The following NIPAL1 variants were observed in gnomAD, a reference collection of about 807,000 sequenced individuals.
NIPAL1 encodes the protein NIPA like domain containing 1, also known as magnesium transporter NIPA3.
In NIPAL1, 35 loss-of-function variants were observed where a neutral mutation model predicts 37.7. That is an observed-to-expected ratio of 0.93 (90% CI 0.71 to 1.23). NIPAL1 has a LOEUF of 1.23. NIPAL1 is among the 50% of genes most tolerant of loss of function. The pLI, the probability that NIPAL1 is intolerant of heterozygous loss-of-function variation, is 0.00. For synonymous variants in NIPAL1, 162 were observed against 183.0 expected (o/e 0.89, Z 0.93); for missense variants, 412 against 473.9 (o/e 0.87, Z 1.21).
chr4:48,021,010 A>T (rs1715556452), intron 1 of NIPAL1, among the ~76,000 whole-genome samples: 1 of 152,184 alleles, frequency 6.6e-6, no homozygotes, highest in South Asian at 2.1e-4. Flanking sequence ...AAAGCATTTC[A>T]TCCTTATATA....
chr4:48,034,432 C>A (rs1366970143), intron 4 of NIPAL1, among the ~76,000 whole-genome samples: 1 of 152,024 alleles, frequency 6.6e-6, no homozygotes, highest in African/African-American at 2.4e-5. Context: ...TACCCCTGGT[C>A]CGTTTGATTG....
At chr4:48,031,981 T>C (rs1715830909) in intron 3 of NIPAL1, among the ~76,000 whole-genome samples, 1 of 152,166 alleles carries the variant, frequency 6.6e-6, no homozygotes, top group Non-Finnish European at 1.5e-5. Context: ...TCAAGTGATC[T>C]TCTCCCCTCT....
At chr4:48,023,381 A>G (rs998894567) in intron 1 of NIPAL1, among the ~76,000 whole-genome samples, 19 of 152,322 alleles carry the variant, frequency 1.2e-4, no homozygotes, top group Admixed American at 9.1e-4. Flanking sequence ...AAGCTTTGCC[A>G]GGGGTACATA....
chr4:48,032,729 AT>A (rs1715848568), intron 3 of NIPAL1, among the ~76,000 whole-genome samples: 1 of 152,202 alleles, frequency 6.6e-6, no homozygotes, highest in South Asian at 2.1e-4. Flanking sequence ...GTAGCTAAAA[AT>A]TTCTATTGAA....
At chr4:48,021,823 A>G (rs1715575805) in intron 1 of NIPAL1, among the ~76,000 whole-genome samples, 1 of 152,046 alleles carries the variant, frequency 6.6e-6, no homozygotes, top group South Asian at 2.1e-4. Context: ...AGAGAAAATC[A>G]GGATAGTTAC....
Position 48,035,717 on chromosome 4 carries a change from G to C in NIPAL1, c.778G>C (p.Ala260Pro). ...SVSSVKGLGI[A>P]IKELIEWKPV... ...TTCTTCTGTGAAAGGCCTGGGAATT[G>C]CCATTAAGGAGCTGATAGAATGGAA... is the stretch of plus-strand genomic sequence containing the variant. Residue 260 changes from alanine to proline, a missense_variant, in exon 6 of 6, where the codon GCC (alanine) becomes CCC (proline). By Grantham distance (27) the Ala-to-Pro change is conservative. Transcript: ENST00000295461. 2 of 1,614,084 alleles carry C rather than the reference G, an allele frequency of 1.2e-6. No homozygotes were observed. The highest frequency in any genetic ancestry group is 1.7e-6 in the Non-Finnish European group (2 of 1,179,976).
chr4:48,034,281 T>C (rs966014576), intron 4 of NIPAL1, among the ~76,000 whole-genome samples: 1 of 152,236 alleles, frequency 6.6e-6, no homozygotes, highest in Non-Finnish European at 1.5e-5. Context: ...CAACATAAAT[T>C]TGTAAACTGT....
chr4:48,037,230 GA>G lies in NIPAL1; in HGVS notation c.*1063del, dbSNP rs755251440. ...GAAGAGAAAAATACTTCAGATAAAG[GA>G]AAAAGTTTTCTTCTCACAAAAACAC... On this transcript the variant is annotated 3_prime_UTR_variant, in exon 6 of 6. Coordinates refer to ENST00000295461, the MANE Select transcript of NIPAL1 (RefSeq NM_207330.3). 4 of 423,546 alleles carry G rather than the reference GA, an allele frequency of 9.4e-6. No individual in the cohort carries two copies. The highest frequency in any genetic ancestry group is 8.3e-5 in the African/African-American group (4 of 48,082). 26.2% of individuals were successfully genotyped at this position (423,546 alleles called of 1,614,324 possible).
At chr4:48,025,770 C>G (rs1327120284) in intron 2 of NIPAL1, among the ~76,000 whole-genome samples, 4 of 152,162 alleles carry the variant, frequency 2.6e-5, no homozygotes, top group Non-Finnish European at 5.9e-5. Flanking sequence ...ATCTTAGTCT[C>G]TATCTTCTTG....
intron 5 of NIPAL1, 68 bp downstream of exon 5, chr4:48,035,109 G>A (rs1715898227): frequency 7.9e-7 from 1 of 1,262,714 alleles, no homozygotes. Context: ...AATAGTATCT[G>A]TAATAATATT....
chr4:48,020,509 T>C (rs1215187902), intron 1 of NIPAL1, among the ~76,000 whole-genome samples: 3 of 152,228 alleles, frequency 2.0e-5, no homozygotes, highest in Admixed American at 6.5e-5. Flanking sequence ...GGGGCTCACC[T>C]ATATGTCTCT....
chr4:48,025,187 T>C lies in NIPAL1; in HGVS notation c.166T>C (p.Leu56=). The change falls in exon 2 of 6, where the codon TTG becomes CTG. Residue 56 remains leucine, a synonymous_variant. Coordinates refer to ENST00000295461, the MANE Select transcript of NIPAL1 (RefSeq NM_207330.3). ...YTDLNYSINN[L]SISANVENKY... The stretch of plus-strand genomic sequence containing the variant: ...GGACCTGAATTACAGCATAAACAAC[T>C]TGAGCATTTCAGCAAATGTAGAAAA... The C allele has an allele frequency of 6.2e-7, 1 of 1,614,232 alleles. No individual in the cohort carries two copies.
chr4:48,026,867 CA>C (rs1399104478), intron 2 of NIPAL1, among the ~76,000 whole-genome samples: 7 of 151,882 alleles, frequency 4.6e-5, no homozygotes, highest in Non-Finnish European at 4.4e-5. Flanking sequence ...TACAGGCATG[CA>C]CCATCACGCC....
Position 48,035,052 on chromosome 4 carries a change from C to A in NIPAL1, c.622+11C>A. 6.2e-7 allele frequency: 1 copy of A among 1,609,966 alleles called. No homozygotes were observed. The highest frequency in any genetic ancestry group is 1.1e-5 in the South Asian group (1 of 90,878). On this transcript the variant is annotated intron_variant, in intron 5 of 5. Coordinates refer to ENST00000295461, the MANE Select transcript of NIPAL1 (RefSeq NM_207330.3). Reference sequence around the variant, plus strand: ...AATTGAGAGACCCAGGTCTGTGATTCAACCTAAAGAACCACTCAAATTCTG... The same window carrying A: ...AATTGAGAGACCCAGGTCTGTGATTAAACCTAAAGAACCACTCAAATTCTG...
At chr4:48,017,847 A>G (rs1476840313) in intron 1 of NIPAL1, among the ~76,000 whole-genome samples, 2 of 136,060 alleles carry the variant, frequency 1.5e-5, no homozygotes, top group African/African-American at 5.4e-5. Context: ...ACACATATAT[A>G]TATAGTTCCC....
intron 1 of NIPAL1, among the ~76,000 whole-genome samples, chr4:48,021,956 A>G (rs764490905): frequency 7.9e-5 from 12 of 152,070 alleles, no homozygotes; most frequent in Non-Finnish European, 1.8e-4. Context: ...GAAAAATAAC[A>G]TCAAAGAAGA....
Position 48,036,503 on chromosome 4 carries a change from TAC to T in NIPAL1, c.*333_*334del. On this transcript the variant is annotated 3_prime_UTR_variant, in exon 6 of 6. Transcript: ENST00000295461. Reference sequence around the variant, plus strand: ...TTTCTTTGGTAGCTATTTTTAGACTTACAGTCATTCACCAATATACAGTTAGC... The same window carrying T: ...TTTCTTTGGTAGCTATTTTTAGACTTAGTCATTCACCAATATACAGTTAGC... 3.4e-6 allele frequency: 1 copy of T among 296,742 alleles called. No individual in the cohort carries two copies. The highest frequency in any genetic ancestry group is 6.2e-6 in the Non-Finnish European group (1 of 160,046). The allele number at this position is 296,742 out of a possible 1,614,324, so 18.4% of individuals were successfully genotyped here. A position where few individuals can be genotyped will look rare whatever the true frequency, so the allele number is the denominator to read the frequency against.
chr4:48,017,978 G>T (rs1290417485), intron 1 of NIPAL1, among the ~76,000 whole-genome samples: 3 of 151,400 alleles, frequency 2.0e-5, no homozygotes, highest in African/African-American at 7.3e-5. Context: ...AAGTGAGCTC[G>T]TCCAAACCAT....
At chr4:48,029,588 AT>A (rs1715777717) in intron 2 of NIPAL1, among the ~76,000 whole-genome samples, 2 of 152,208 alleles carry the variant, frequency 1.3e-5, no homozygotes, top group African/African-American at 4.8e-5. Context: ...ATCAGGAAAA[AT>A]AAAACAAAAA....
Sources: gnomAD v4.1 joint callset for allele counts (sites outside exome capture counted in the v4.1 genomes callset) on GRCh38, gnomAD v4.1.1 for gene constraint, MANE v1.5 for transcripts, NCBI Gene and HGNC (gene_info 2026-07-23, HGNC 2026-07-21) for gene names.